WWP2: variants seen among roughly 807,000 people sequenced by gnomAD.
The protein encoded by WWP2 is WW domain containing E3 ubiquitin protein ligase 2, also known as NEDD4-like E3 ubiquitin-protein ligase WWP2.
Under a neutral mutation model 121.0 loss-of-function variants are expected in WWP2, and 57 were observed. The ratio of observed to expected loss-of-function variants is 0.47; its 90% CI spans 0.38 to 0.59. The LOEUF is 0.59. Among genes scored for constraint, WWP2 ranks in the 20% least tolerant of loss-of-function variants. The pLI is 0.00. For missense variants in WWP2, 962 were observed against 1,158.9 expected (o/e 0.83, Z 2.47); for synonymous variants, 449 against 441.3 (o/e 1.02, Z -0.22).
chr16:69,805,637 A>G (rs114385366), intron 4 of WWP2, among the ~76,000 whole-genome samples: 2,174 of 151,054 alleles, frequency 0.014, 52 homozygotes, highest in African/African-American at 0.047. Context: ...TTGAGACAGG[A>G]TCTTGCTTTG....
Position 69,799,345 on chromosome 16 carries a change from G to A in WWP2, c.340+50G>A. ...ACGTGATTCTTGGGTGGGGATGGGA[G>A]GACCTGGCAGATCAACCTGGTATTG... is the stretch of plus-strand genomic sequence containing the variant. On this transcript the variant is annotated intron_variant, in intron 4 of 23. Coordinates refer to ENST00000359154, the MANE Select transcript of WWP2 (RefSeq NM_001270454.2). The surrounding 1 kb of genome is among the most constrained non-coding windows in gnomAD (Gnocchi z 4.5). 2 of 1,592,058 alleles carry A rather than the reference G, an allele frequency of 1.3e-6. No homozygotes were observed. Among genetic ancestry groups the A allele is most frequent in the Non-Finnish European group, 1.7e-6 (2 of 1,168,178 alleles).
intron 4 of WWP2, among the ~76,000 whole-genome samples, chr16:69,834,549 C>T (rs28405327): frequency 1.2e-3 from 164 of 139,462 alleles, no homozygotes; most frequent in African/African-American, 3.7e-3. Flanking sequence ...TTTTTTGAGA[C>T]GGAGTTTCGC....
At chr16:69,836,434 G>T (rs1406153721) in intron 4 of WWP2, among the ~76,000 whole-genome samples, 6 of 151,890 alleles carry the variant, frequency 4.0e-5, no homozygotes, top group Non-Finnish European at 8.8e-5. Flanking sequence ...CCTCTTTCAT[G>T]TGAAGCATGT....
intron 4 of WWP2, chr16:69,838,743 T>C (rs1430213812): frequency 2.0e-6 from 2 of 985,330 alleles, no homozygotes; most frequent in South Asian, 4.7e-5. Context: ...TGTTATTTTA[T>C]AGAAACGTTT....
At chr16:69,773,773 C>T (rs2055467949) in intron 1 of WWP2, among the ~76,000 whole-genome samples, 1 of 152,208 alleles carries the variant, frequency 6.6e-6, no homozygotes, top group East Asian at 1.9e-4. Flanking sequence ...TGAGCCACTA[C>T]ACCCAGCTGC....
intron 6 of WWP2, among the ~76,000 whole-genome samples, chr16:69,843,611 A>G (rs2057018008): frequency 6.6e-6 from 1 of 152,150 alleles, no homozygotes; most frequent in African/African-American, 2.4e-5. Context: ...TCATGCCTGT[A>G]ATTCCAGCTC....
intron 6 of WWP2, among the ~76,000 whole-genome samples, chr16:69,867,775 C>G (rs528189960): frequency 3.9e-5 from 6 of 152,214 alleles, no homozygotes; most frequent in Admixed American, 3.3e-4. Context: ...GGAGTTTGGC[C>G]TGACTGGCAC....
At chr16:69,931,469 T>C (rs1482621218) in intron 14 of WWP2, 40 bp from the exon 15 acceptor site, 1 of 1,612,020 alleles carries the variant, frequency 6.2e-7, no homozygotes, top group Non-Finnish European at 8.5e-7. Context: ...GATGACCACT[T>C]GAGGCTCGAT....
intron 22 of WWP2, 36 bp downstream of exon 22, chr16:69,939,159 C>T: frequency 6.3e-7 from 1 of 1,575,164 alleles, no homozygotes; most frequent in Non-Finnish European, 8.6e-7. Flanking sequence ...TCCTGGCTGG[C>T]AGTGCGGACA....
At chr16:69,773,170 C>T (rs937320121) in intron 1 of WWP2, among the ~76,000 whole-genome samples, 2 of 151,594 alleles carry the variant, frequency 1.3e-5, no homozygotes, top group Non-Finnish European at 2.9e-5. Context: ...CTGTTCCTAC[C>T]GATACACGTT....
intron 6 of WWP2, among the ~76,000 whole-genome samples, chr16:69,868,206 G>A (rs565545218): frequency 3.3e-5 from 5 of 152,142 alleles, no homozygotes; most frequent in African/African-American, 4.8e-5. Context: ...GGCTGGCCAC[G>A]GGCAGGGAGG....
chr16:69,904,603 T>C (rs541589728), intron 8 of WWP2, among the ~76,000 whole-genome samples: 1 of 152,286 alleles, frequency 6.6e-6, no homozygotes, highest in African/African-American at 2.4e-5. Flanking sequence ...ACTCCTGGTT[T>C]CAAGTGATCC....
At chr16:69,882,498 C>T (rs2057849218) in intron 7 of WWP2, among the ~76,000 whole-genome samples, 1 of 152,140 alleles carries the variant, frequency 6.6e-6, no homozygotes, top group East Asian at 1.9e-4. Context: ...TAAGATAAGG[C>T]CTCTGCCCTA....
chr16:69,828,836 C>T (rs2151855974), intron 4 of WWP2, among the ~76,000 whole-genome samples: 1 of 152,134 alleles, frequency 6.6e-6, no homozygotes, highest in East Asian at 1.9e-4. Context: ...ATCTCTGTTT[C>T]ACCTTCCTCT....
chr16:69,793,397 T>C (rs2055955078), intron 2 of WWP2, among the ~76,000 whole-genome samples: 1 of 152,074 alleles, frequency 6.6e-6, no homozygotes, highest in African/African-American at 2.4e-5. Context: ...GACTGTAGCA[T>C]TGCATTAGAG....
intron 7 of WWP2, among the ~76,000 whole-genome samples, chr16:69,887,518 G>T (rs1393133970): frequency 6.6e-6 from 1 of 152,000 alleles, no homozygotes; most frequent in Admixed American, 6.6e-5. Context: ...CGATTCTCCT[G>T]CCTCAGCCTC....
At chr16:69,919,731 A>G (rs2058530715) in intron 10 of WWP2, among the ~76,000 whole-genome samples, 1 of 151,804 alleles carries the variant, frequency 6.6e-6, no homozygotes, top group South Asian at 2.1e-4. Context: ...CAGCAGAACT[A>G]ACACAGGATA....
rs77458741 is a variant in WWP2, at chr16:69,848,135, A to G, written c.575+6015A>G. ...TTTTTCATTAATAGGGATTAACATA[A>G]GGGATCTTAGTTAAGAAGCTGTCAG... On this transcript the variant is annotated intron_variant, in intron 6 of 23. Coordinates refer to ENST00000359154, the MANE Select transcript of WWP2 (RefSeq NM_001270454.2). 2.6e-4 allele frequency among the ~76,000 whole-genome samples: 39 copies of G among 152,340 alleles called. 1 individual carries two copies. In the East Asian group the frequency reaches 6.9e-3, roughly 27 times the overall value.
intron 6 of WWP2, among the ~76,000 whole-genome samples, chr16:69,844,409 G>T (rs2057032552): frequency 6.6e-6 from 1 of 152,160 alleles, no homozygotes; most frequent in Admixed American, 6.5e-5. Flanking sequence ...CTCAGCTTTG[G>T]TGCTAGTAAC....
Sources: allele counts gnomAD v4.1 joint callset (sites outside exome capture counted in the v4.1 genomes callset), GRCh38; gene constraint gnomAD v4.1.1; non-coding constraint Gnocchi (gnomAD v3.1); transcripts MANE v1.5; gene names NCBI Gene and HGNC (gene_info 2026-07-23, HGNC 2026-07-21).